Variants in ESR2 observed in about 807,000 individuals in gnomAD.
ESR2 encodes the protein estrogen receptor beta.
In ESR2, 36 loss-of-function variants were observed where a neutral mutation model predicts 49.6. The ratio of observed to expected loss-of-function variants is 0.73; its 90% confidence interval spans 0.56 to 0.96. The LOEUF is 0.96. ESR2 is among the 40% of genes least tolerant of loss of function. The pLI is 0.00. For synonymous variants in ESR2, 320 were observed against 266.1 expected, an observed-to-expected ratio of 1.20 and a Z score of -1.97; for missense variants, 714 against 693.0, an observed-to-expected ratio of 1.03 and a Z score of -0.34.
chr14:64,233,536 C>A, intron 8 of ESR2: 1 of 554,012 alleles, frequency 1.8e-6, no homozygotes, highest in Non-Finnish European at 3.2e-6. Flanking sequence ...TGTGTCCCAC[C>A]ACACACCTAC....
At chr14:64,300,748 T>C (rs2077012385) in intron 1 of ESR2, among the ~76,000 whole-genome samples, 1 of 152,006 alleles carries the variant, frequency 6.6e-6, no homozygotes, top group Admixed American at 6.6e-5. Context: ...AGATACCTCA[T>C]CTTTAAAAAA....
chr14:64,257,516 G>A (rs1442136197), intron 5 of ESR2, 152 bp from the exon 6 acceptor site: 2 of 980,306 alleles, frequency 2.0e-6, no homozygotes, highest in South Asian at 1.8e-5. Context: ...CTCATTAAAG[G>A]AAGAAAACTT....
chr14:64,282,650 C>A lies in ESR2; in HGVS notation c.336G>T (p.Ser112=). Residue 112 remains serine (S), a synonymous_variant, in exon 2 of 9, where the codon TCG becomes TCT. Transcript: ENST00000341099. The part of the protein sequence containing the change: ...PQKSPWCEAR[S]LEHTLPVNRE... Reference sequence around the variant, plus strand: ...TGTTTACAGGTAAGGTGTGTTCTAGCGATCTTGCTTCACACCAGGGACTCT... The same window carrying A: ...TGTTTACAGGTAAGGTGTGTTCTAGAGATCTTGCTTCACACCAGGGACTCT... The A allele has an allele frequency of 1.2e-6, 2 of 1,607,636 alleles. No homozygotes were observed. Among genetic ancestry groups the A allele is most frequent in the East Asian group, 2.2e-5 (1 of 44,704 alleles).
chr14:64,272,786 T>C (rs1475965496), intron 3 of ESR2, among the ~76,000 whole-genome samples: 1 of 152,210 alleles, frequency 6.6e-6, no homozygotes, highest in African/African-American at 2.4e-5. Flanking sequence ...GTATAATTTA[T>C]AGTCAGGTAA....
intron 1 of ESR2, among the ~76,000 whole-genome samples, chr14:64,331,822 CAA>C (rs368932180): frequency 1.7e-4 from 9 of 52,436 alleles, no homozygotes; most frequent in Non-Finnish European, 2.3e-4. Flanking sequence ...GACTCCATCT[CAA>C]AAAAAAAAAA....
At chr14:64,309,058 C>T (rs10137185) in intron 1 of ESR2, among the ~76,000 whole-genome samples, 24,617 of 152,040 alleles carry the variant, frequency 0.16, 2,723 homozygotes, top group African/African-American at 0.3. Context: ...TGGTGAGGAT[C>T]AAATAACATA....
chr14:64,259,783 A>G (rs2076174163), intron 5 of ESR2, among the ~76,000 whole-genome samples: 1 of 152,214 alleles, frequency 6.6e-6, no homozygotes, highest in South Asian at 2.1e-4. Context: ...TCATTTATGT[A>G]CATAATATTG....
At chr14:64,288,431 C>T (rs574703236) in intron 1 of ESR2, among the ~76,000 whole-genome samples, 2 of 150,920 alleles carry the variant, frequency 1.3e-5, no homozygotes, top group East Asian at 4.0e-4. Context: ...TCACTGCAAG[C>T]TCCACCTCCC....
rs545595857 is a variant in ESR2, at chr14:64,273,989, G to A, written c.536-5078C>T. On this transcript the variant is annotated intron_variant, in intron 3 of 8. Coordinates refer to ENST00000341099, the MANE Select transcript of ESR2 (RefSeq NM_001437.3). ...TGATCACACTCCATCACCCAGGCTA[G>A]AATGCAGTGGTGCAATCTTGTCTTA... Among the ~76,000 whole-genome samples the A allele has an allele frequency of 4.0e-4, 58 of 146,638 alleles. No homozygotes were observed. The South Asian group carries it at 0.012, about 31-fold the overall frequency.
chr14:64,281,822 AT>A (rs1180242082), intron 2 of ESR2, among the ~76,000 whole-genome samples: 2 of 152,210 alleles, frequency 1.3e-5, no homozygotes, highest in Non-Finnish European at 2.9e-5. Flanking sequence ...CAATCTTTAT[AT>A]AATGTTATTA....
chr14:64,337,226 G>C (rs1163792711), intron 1 of ESR2, among the ~76,000 whole-genome samples: 1 of 152,236 alleles, frequency 6.6e-6, no homozygotes, highest in African/African-American at 2.4e-5. Context: ...TAAAGCATCT[G>C]GGTTTGGGGC....
chr14:64,309,350 G>A (rs1458353596), intron 1 of ESR2, among the ~76,000 whole-genome samples: 1 of 152,174 alleles, frequency 6.6e-6, no homozygotes, highest in Non-Finnish European at 1.5e-5. Flanking sequence ...AGTGGCTTAT[G>A]CCTATAATCT....
chr14:64,259,762 T>C (rs921209045), intron 5 of ESR2, among the ~76,000 whole-genome samples: 1 of 152,214 alleles, frequency 6.6e-6, no homozygotes, highest in African/African-American at 2.4e-5. Flanking sequence ...ACTCTGTTTG[T>C]CCATACATAT....
intron 4 of ESR2, among the ~76,000 whole-genome samples, chr14:64,261,232 C>CTTTCTTTTTTTTTTTTTT (rs1555577156): frequency 1.1e-4 from 10 of 88,678 alleles, no homozygotes; most frequent in East Asian, 4.8e-4. Flanking sequence ...TTTTATTTTT[C>CTTTCTTTTTTTTTTTTTT]TTTTTTCTTT....
rs192564115 is a variant in ESR2 at position 64,313,466 on chromosome 14, G to A, written c.-91+24432C>T. The stretch of plus-strand genomic sequence containing the variant: ...AGAGAATCACTTGAACCTGGGAGGC[G>A]GAGGTTCCAGTGAGCCGAGATCAGG... On this transcript the variant is annotated intron_variant, in intron 1 of 8. Coordinates refer to the ESR2 transcript ENST00000358599. Among the ~76,000 whole-genome samples, 512 of 149,890 alleles carry A rather than the reference G, an allele frequency of 3.4e-3. 1 individual carries two copies. Among genetic ancestry groups the A allele is most frequent in the African/African-American group, 0.01 (423 of 40,484 alleles).
At chr14:64,274,606 T>G (rs1484193844) in intron 3 of ESR2, among the ~76,000 whole-genome samples, 1 of 152,174 alleles carries the variant, frequency 6.6e-6, no homozygotes, top group East Asian at 1.9e-4. Context: ...CATTTATTTC[T>G]GCTTTGATCT....
intron 3 of ESR2, among the ~76,000 whole-genome samples, chr14:64,276,471 A>AC (rs1188430691): frequency 1.3e-5 from 2 of 152,214 alleles, no homozygotes; most frequent in Non-Finnish European, 2.9e-5. Flanking sequence ...AGTCAATGCT[A>AC]CCAAGAGGTT....
chr14:64,263,722 TGAAA>T (rs748107716), intron 4 of ESR2, among the ~76,000 whole-genome samples: 3 of 151,422 alleles, frequency 2.0e-5, no homozygotes, highest in Non-Finnish European at 4.4e-5. Context: ...AAAAAGTAAC[TGAAA>T]GAAAAAGAGA....
At chr14:64,278,071 T>C (rs1176270071) in intron 3 of ESR2, among the ~76,000 whole-genome samples, 1 of 152,144 alleles carries the variant, frequency 6.6e-6, no homozygotes, top group East Asian at 1.9e-4. Flanking sequence ...CTCAGCAAGA[T>C]ACAAAATAGT....
Sources: allele counts gnomAD v4.1 joint callset (sites outside exome capture counted in the v4.1 genomes callset), GRCh38; gene constraint gnomAD v4.1.1; transcripts MANE v1.5; gene names NCBI Gene and HGNC (gene_info 2026-07-23, HGNC 2026-07-21).